SEMA6A: variants seen among roughly 807,000 people sequenced by gnomAD.
SEMA6A encodes the protein semaphorin 6A.
A neutral mutation model predicts 96.8 loss-of-function variants in SEMA6A; 25 were observed. The ratio of observed to expected loss-of-function variants is 0.26; its 90% CI spans 0.19 to 0.36. The LOEUF is 0.36. Among genes scored for constraint, SEMA6A ranks in the 10% least tolerant of loss-of-function variants. SEMA6A has a pLI of 1.00. For synonymous variants in SEMA6A, 612 were observed against 518.0 expected, an observed-to-expected ratio of 1.18 and a Z score of -2.46; for missense variants, 1,363 against 1,323.1, an observed-to-expected ratio of 1.03 and a Z score of -0.47.
intron 1 of SEMA6A, among the ~76,000 whole-genome samples, chr5:116,527,662 T>G (rs1421936914): frequency 2.6e-5 from 4 of 152,208 alleles, no homozygotes; most frequent in African/African-American, 9.7e-5. Flanking sequence ...ACATATTCTT[T>G]GTGGTTCAAC....
At chr5:116,504,573 T>C (rs1257105483) in intron 2 of SEMA6A, among the ~76,000 whole-genome samples, 2 of 152,210 alleles carry the variant, frequency 1.3e-5, no homozygotes, top group Non-Finnish European at 2.9e-5. Context: ...TTTTAAGGCA[T>C]GAACACGGCA....
At chr5:116,506,973 C>G (rs138288528) in intron 1 of SEMA6A, among the ~76,000 whole-genome samples, 109 of 152,198 alleles carry the variant, frequency 7.2e-4, no homozygotes, top group African/African-American at 2.4e-3. Context: ...TATTATATCC[C>G]CCAATTTTAA....
intron 1 of SEMA6A, among the ~76,000 whole-genome samples, chr5:116,573,484 C>T (rs1001310888): frequency 6.6e-6 from 1 of 152,128 alleles, no homozygotes; most frequent in East Asian, 1.9e-4. Context: ...CCGCGTCACC[C>T]GAACGGCTGC....
intron 1 of SEMA6A, among the ~76,000 whole-genome samples, chr5:116,513,442 A>T: frequency 6.6e-6 from 1 of 151,810 alleles, no homozygotes; most frequent in East Asian, 1.9e-4. Context: ...GCTAATTTTT[A>T]CCTCTTAATC....
At chr5:116,471,379 ATTGGTC>A (rs1756134527) in intron 17 of SEMA6A, 1 of 152,188 alleles carries the variant, frequency 6.6e-6, no homozygotes, top group South Asian at 2.1e-4. Flanking sequence ...GGGAGTTAAA[ATTGGTC>A]TTGGTATGAT....
chr5:116,570,766 T>C (rs1207907842), intron 1 of SEMA6A, among the ~76,000 whole-genome samples: 3 of 152,240 alleles, frequency 2.0e-5, no homozygotes, highest in Non-Finnish European at 2.9e-5. Context: ...TAACTCCTGG[T>C]TCAAAATAGT....
At chr5:116,541,072 A>T (rs760340734) in intron 1 of SEMA6A, among the ~76,000 whole-genome samples, 5 of 152,178 alleles carry the variant, frequency 3.3e-5, no homozygotes, top group Admixed American at 1.3e-4. Flanking sequence ...ACAGGAGTCA[A>T]ATCTACATCA....
chr5:116,447,632 T>G lies in SEMA6A; in HGVS notation c.2074A>C (p.Thr692Pro). Residue 692 changes from threonine to proline, a missense_variant, in exon 19 of 19, where the codon ACC (threonine) becomes CCC (proline). By Grantham distance (38) the Thr-to-Pro change is conservative. Coordinates refer to ENST00000343348, the MANE Select transcript of SEMA6A (RefSeq NM_020796.5). The stretch of plus-strand genomic sequence containing the variant: ...CTCATGGAGCCCCGGCGCGAGTGGG[T>G]GAGCTCCTTCTCCTTGCGCTGCACC... Reference protein sequence around the residue: ...AVVQRKEKELTHSRRGSMSSV... With the variant: ...AVVQRKEKELPHSRRGSMSSV... 1.2e-6 allele frequency: 2 copies of G among 1,613,970 alleles called. No homozygotes were observed. The highest frequency in any genetic ancestry group is 1.6e-4 in the Middle Eastern group (1 of 6,062).
chr5:116,507,232 G>C (rs1758181595), intron 1 of SEMA6A, among the ~76,000 whole-genome samples: 1 of 152,210 alleles, frequency 6.6e-6, no homozygotes, highest in Non-Finnish European at 1.5e-5. Context: ...ACGGGTGAAA[G>C]TGCTCTGGAA....
intron 1 of SEMA6A, among the ~76,000 whole-genome samples, chr5:116,557,496 A>AT (rs1377206159): frequency 6.6e-6 from 1 of 152,234 alleles, no homozygotes; most frequent in East Asian, 1.9e-4. Flanking sequence ...AATACTTATA[A>AT]TTTTTATTTA....
rs1192303235 is a variant in SEMA6A at position 116,505,148 on chromosome 5, C to T, written c.-38-166G>A. On this transcript the variant is annotated intron_variant, in intron 1 of 18. Coordinates refer to ENST00000343348, the MANE Select transcript of SEMA6A (RefSeq NM_020796.5). ...GTTTGGAACTTGTACCCGTTACCTA[C>T]TGCTACCTCCTTCCCCACGCATCTG... Among the ~76,000 whole-genome samples, 3 of 152,174 alleles carry T rather than the reference C, an allele frequency of 2.0e-5. No individual in the cohort carries two copies. The East Asian group carries it at 5.8e-4, about 29-fold the overall frequency.
At chr5:116,503,756 C>G (rs570741880) in intron 2 of SEMA6A, among the ~76,000 whole-genome samples, 3 of 152,234 alleles carry the variant, frequency 2.0e-5, no homozygotes, top group Non-Finnish European at 4.4e-5. Flanking sequence ...ACCTCATGAT[C>G]CGCCCACCTC....
chr5:116,478,591 G>C lies in SEMA6A; in HGVS notation c.1378C>G (p.Leu460Val). 1 of 1,613,188 alleles carries C rather than the reference G, an allele frequency of 6.2e-7. No homozygotes were observed. Among genetic ancestry groups the C allele is most frequent in the Non-Finnish European group, 8.5e-7 (1 of 1,179,618 alleles). The change falls in exon 13 of 19, where the codon CTA (leucine) becomes GTA (valine). Residue 460 changes from leucine (L) to valine (V), a missense_variant. Physicochemically the swap from Leu to Val is conservative, Grantham distance 32. This residue lies in a region of SEMA6A where 883 missense variants were observed against 763.6 expected (regional missense o/e 1.16). Transcript: ENST00000343348. The part of the protein sequence containing the change: ...FLARIGNSGF[L>V]NDSLFLEEMS... Reference sequence around the variant, plus strand: ...TCCTCCAGGAAAAGGCTGTCATTTAGAAAACCACTATTTCCTATTCTGGCC... The same window carrying C: ...TCCTCCAGGAAAAGGCTGTCATTTACAAAACCACTATTTCCTATTCTGGCC...
intron 2 of SEMA6A, among the ~76,000 whole-genome samples, chr5:116,504,074 T>C (rs1448640229): frequency 6.6e-6 from 1 of 152,200 alleles, no homozygotes; most frequent in East Asian, 1.9e-4. Context: ...CTCCTTAGTA[T>C]TGCATATTAA....
At chr5:116,467,445 CTT>C in intron 18 of SEMA6A, 136 bp downstream of exon 18, 12 of 830,140 alleles carry the variant, frequency 1.4e-5, no homozygotes, top group Non-Finnish European at 2.0e-5. Context: ...GGGTTGCAGT[CTT>C]TTTCGAGAAA....
chr5:116,507,946 T>C (rs1191016886), intron 1 of SEMA6A: 1 of 152,224 alleles, frequency 6.6e-6, no homozygotes, highest in Non-Finnish European at 1.5e-5. Context: ...AATAGGCATC[T>C]GCTTGGTGAA....
chr5:116,528,580 A>G (rs1397802660), intron 1 of SEMA6A, among the ~76,000 whole-genome samples: 2 of 152,182 alleles, frequency 1.3e-5, no homozygotes, highest in Non-Finnish European at 2.9e-5. Context: ...TTCTGCCACT[A>G]AAAGCCTTTC....
At chr5:116,547,495 G>T (rs1383700640) in intron 1 of SEMA6A, among the ~76,000 whole-genome samples, 1 of 151,980 alleles carries the variant, frequency 6.6e-6, no homozygotes, top group Non-Finnish European at 1.5e-5. Flanking sequence ...AGGTGAAAAG[G>T]CCAGTATTTT....
intron 1 of SEMA6A, among the ~76,000 whole-genome samples, chr5:116,538,066 T>C (rs745946255): frequency 1.4e-4 from 22 of 152,138 alleles, no homozygotes; most frequent in Non-Finnish European, 2.4e-4. Flanking sequence ...TCTCAGCTAC[T>C]TGGGAGGCTG....
Sources: gnomAD v4.1 joint callset for allele counts (sites outside exome capture counted in the v4.1 genomes callset) on GRCh38, gnomAD v4.1.1 for gene constraint, gnomAD v4.1.1 regional missense constraint, MANE v1.5 for transcripts, NCBI Gene and HGNC (gene_info 2026-07-23, HGNC 2026-07-21) for gene names.